The following CNTNAP2 variants were observed in gnomAD, a reference collection of about 807,000 sequenced individuals.
CNTNAP2 encodes the protein contactin associated protein 2.
A neutral mutation model predicts 155.2 loss-of-function variants in CNTNAP2; 98 were observed. That is an observed-to-expected ratio of 0.63 (90% CI 0.54 to 0.75). CNTNAP2 has a LOEUF of 0.75. Among genes scored for constraint, CNTNAP2 ranks in the 30% least tolerant of loss-of-function variants. The probability of loss-of-function intolerance (pLI) is 0.00; values close to 1 mark genes in which losing one functional copy is unlikely to be tolerated. For synonymous variants in CNTNAP2, 651 were observed against 631.2 expected, an observed-to-expected ratio of 1.03 and a Z score of -0.47; for missense variants, 1,727 against 1,688.1, an observed-to-expected ratio of 1.02 and a Z score of -0.40.
intron 12 of CNTNAP2, among the ~76,000 whole-genome samples, chr7:147,567,174 C>A (rs1489617145): frequency 6.6e-6 from 1 of 152,118 alleles, no homozygotes; most frequent in Non-Finnish European, 1.5e-5. Context: ...AGGGGGTGTT[C>A]TAAATGACAG....
At chr7:148,373,634 C>T (rs1015173971) in intron 21 of CNTNAP2, among the ~76,000 whole-genome samples, 2 of 152,158 alleles carry the variant, frequency 1.3e-5, no homozygotes, top group Admixed American at 1.3e-4. Flanking sequence ...ACTACTCAAA[C>T]ATATTACAAT....
At chr7:147,057,801 A>G (rs994439957) in intron 4 of CNTNAP2, among the ~76,000 whole-genome samples, 2 of 152,180 alleles carry the variant, frequency 1.3e-5, no homozygotes, top group Non-Finnish European at 2.9e-5. Flanking sequence ...CTCAACATTC[A>G]TTTGATTTAT....
At chr7:147,825,821 T>C (rs1647813027) in intron 13 of CNTNAP2, among the ~76,000 whole-genome samples, 1 of 152,156 alleles carries the variant, frequency 6.6e-6, no homozygotes, top group African/African-American at 2.4e-5. Context: ...GAGATCTCTC[T>C]GCACTGAGGA....
At chr7:146,450,604 T>A (rs1563088612) in intron 1 of CNTNAP2, among the ~76,000 whole-genome samples, 1 of 152,178 alleles carries the variant, frequency 6.6e-6, no homozygotes, top group Non-Finnish European at 1.5e-5. Flanking sequence ...CGAAGCCACA[T>A]GTTGTCTATT....
intron 18 of CNTNAP2, among the ~76,000 whole-genome samples, chr7:148,174,816 G>A (rs1421761547): frequency 1.3e-5 from 2 of 152,164 alleles, no homozygotes; most frequent in East Asian, 3.9e-4. Flanking sequence ...AAGCATACGT[G>A]TGCCATGGGG....
At chr7:146,952,532 T>A (rs1365878149) in intron 3 of CNTNAP2, among the ~76,000 whole-genome samples, 1 of 152,116 alleles carries the variant, frequency 6.6e-6, no homozygotes, top group African/African-American at 2.4e-5. Flanking sequence ...GGAAACCCCA[T>A]CGCCTCAGCC....
intron 14 of CNTNAP2, among the ~76,000 whole-genome samples, chr7:147,948,873 C>A (rs1247722180): frequency 1.3e-5 from 2 of 151,962 alleles, no homozygotes; most frequent in African/African-American, 4.8e-5. Context: ...ATATTGTAAT[C>A]TTACAGTAAG....
At chr7:146,702,645 A>T (rs1027812736) in intron 1 of CNTNAP2, among the ~76,000 whole-genome samples, 2 of 152,132 alleles carry the variant, frequency 1.3e-5, no homozygotes, top group African/African-American at 2.4e-5. Context: ...TTCAGTAGCC[A>T]TGTGTGCCTA....
intron 1 of CNTNAP2, among the ~76,000 whole-genome samples, chr7:146,241,807 A>ATT (rs988934365): frequency 6.3e-4 from 96 of 151,566 alleles, no homozygotes; most frequent in African/African-American, 2.2e-3. Flanking sequence ...AAAATTTGAA[A>ATT]TTATATATAT....
At chr7:147,584,860 C>T (rs1423428412) in intron 12 of CNTNAP2, among the ~76,000 whole-genome samples, 2 of 152,128 alleles carry the variant, frequency 1.3e-5, no homozygotes, top group Admixed American at 1.3e-4. Flanking sequence ...GGAAGCCTCA[C>T]AAAAACTCCC....
At chr7:146,579,339 G>C (rs1452705832) in intron 1 of CNTNAP2, among the ~76,000 whole-genome samples, 1 of 151,970 alleles carries the variant, frequency 6.6e-6, no homozygotes, top group Non-Finnish European at 1.5e-5. Context: ...ACCTAAATAA[G>C]CAAACAGCCA....
intron 13 of CNTNAP2, among the ~76,000 whole-genome samples, chr7:147,647,753 C>A (rs1396719628): frequency 6.6e-6 from 1 of 152,126 alleles, no homozygotes; most frequent in Non-Finnish European, 1.5e-5. Context: ...GAAGAGGATG[C>A]AGCTAGCTAA....
At chr7:146,880,302 C>G (rs1174855780) in intron 3 of CNTNAP2, among the ~76,000 whole-genome samples, 1 of 151,896 alleles carries the variant, frequency 6.6e-6, no homozygotes, top group African/African-American at 2.4e-5. Context: ...GAAAGAAATT[C>G]ATAAAAGCTC....
Position 148,030,001 on chromosome 7 carries a change from T to C in CNTNAP2, c.2383+52012T>C, listed in dbSNP as rs558859457. ...TCTTCTTAATATCATACTCTCTGGT[T>C]GGAAATCTTCAGAGGACAGACACTC... On this transcript the variant is annotated intron_variant, in intron 15 of 23. Coordinates refer to ENST00000361727, the MANE Select transcript of CNTNAP2 (RefSeq NM_014141.6). Among the ~76,000 whole-genome samples, 5 of 152,344 alleles carry C rather than the reference T, an allele frequency of 3.3e-5. No homozygotes were observed. In the South Asian group the frequency reaches 1.0e-3, roughly 32 times the overall value.
rs763005948 is a variant in CNTNAP2, at chr7:146,347,926, C to T, written c.97+230953C>T. Among the ~76,000 whole-genome samples, 62 of 152,174 alleles carry T rather than the reference C, an allele frequency of 4.1e-4. 1 individual carries two copies. Among genetic ancestry groups the T allele is most frequent in the Middle Eastern group, 6.8e-3 (2 of 294 alleles). ...CCACAGGAAATTCTTTAAATGTGAA[C>T]TTCGGAAATTCTAAGAAGCCTGCAT... On this transcript the variant is annotated intron_variant, in intron 1 of 23. Coordinates refer to ENST00000361727, the MANE Select transcript of CNTNAP2 (RefSeq NM_014141.6).
chr7:146,552,207 CGTCA>C (rs1221634900), intron 1 of CNTNAP2, among the ~76,000 whole-genome samples: 4 of 152,040 alleles, frequency 2.6e-5, no homozygotes. Flanking sequence ...TCTTCCCACA[CGTCA>C]GAAACAATAA....
Position 146,272,122 on chromosome 7 carries a change from A to G in CNTNAP2, c.97+155149A>G, listed in dbSNP as rs377695334. Among the ~76,000 whole-genome samples, 79 of 152,328 alleles carry G rather than the reference A, an allele frequency of 5.2e-4. 1 individual carries two copies. Among genetic ancestry groups the G allele is most frequent in the African/African-American group, 1.8e-3 (76 of 41,584 alleles). On this transcript the variant is annotated intron_variant, in intron 1 of 23. Transcript: ENST00000361727. ...AAGGAAAGAGTTTTAATTGACTCAC[A>G]GTTCAGAATGGCTGGGGAGGCCTCA... is the stretch of plus-strand genomic sequence containing the variant.
At chr7:146,688,633 G>C (rs1255967836) in intron 1 of CNTNAP2, among the ~76,000 whole-genome samples, 1 of 152,116 alleles carries the variant, frequency 6.6e-6, no homozygotes, top group South Asian at 2.1e-4. Context: ...CACAATGGTG[G>C]AATGTCATCA....
chr7:146,662,007 G>C (rs989362759), intron 1 of CNTNAP2, among the ~76,000 whole-genome samples: 2 of 151,960 alleles, frequency 1.3e-5, no homozygotes, highest in Admixed American at 1.3e-4. Context: ...TAGGTGTAGT[G>C]TTTTTTTAAT....
Sources: gnomAD v4.1 joint callset for allele counts (sites outside exome capture counted in the v4.1 genomes callset) on GRCh38, gnomAD v4.1.1 for gene constraint, MANE v1.5 for transcripts, NCBI Gene and HGNC (gene_info 2026-07-23, HGNC 2026-07-21) for gene names.